Variants in XPO7 observed in about 807,000 individuals in gnomAD.
XPO7 encodes exportin 7, also known as exportin-7.
Under a neutral mutation model 144.3 loss-of-function variants are expected in XPO7, and 21 were observed. That is an observed-to-expected ratio of 0.15 (90% confidence interval 0.10 to 0.21). The LOEUF (loss-of-function observed/expected upper bound fraction) is 0.21, where lower values mean the gene tolerates loss of function less well. Ranked by LOEUF, XPO7 falls within the 10% of genes least tolerant of loss-of-function variation. XPO7 has a pLI of 1.00. For missense variants in XPO7, 808 were observed against 1,325.8 expected (o/e 0.61, Z 6.06); for synonymous variants, 580 against 499.6 (o/e 1.16, Z -2.15).
intron 2 of XPO7, 100 bp downstream of exon 2, chr8:21,967,103 T>G: frequency 6.9e-7 from 1 of 1,439,080 alleles, no homozygotes; most frequent in Non-Finnish European, 9.2e-7. Context: ...TGTTCCCTGA[T>G]TTTTCTAGGT....
chr8:21,921,200 A>C (rs766778538), intron 1 of XPO7, among the ~76,000 whole-genome samples: 1 of 152,234 alleles, frequency 6.6e-6, no homozygotes, highest in Non-Finnish European at 1.5e-5. Flanking sequence ...GTCATTTCTA[A>C]GAAGCATGAA....
chr8:22,000,668 T>G (rs1813110709), intron 24 of XPO7, among the ~76,000 whole-genome samples: 1 of 152,116 alleles, frequency 6.6e-6, no homozygotes, highest in Non-Finnish European at 1.5e-5. Context: ...TTAGCCAGGA[T>G]AGTCTCAATC....
chr8:21,977,933 T>G (rs1340847727), intron 8 of XPO7, 90 bp downstream of exon 8: 1 of 1,166,772 alleles, frequency 8.6e-7, no homozygotes, highest in East Asian at 2.5e-5. Flanking sequence ...TTTTATAAAA[T>G]TATACAAGTA....
chr8:21,935,174 T>G (rs1303275979), intron 1 of XPO7, among the ~76,000 whole-genome samples: 2 of 152,218 alleles, frequency 1.3e-5, no homozygotes, highest in East Asian at 3.8e-4. Context: ...TGGGCCCTAA[T>G]TGATTTTGAC....
chr8:21,983,879 A>C (rs1264511606), intron 11 of XPO7, among the ~76,000 whole-genome samples: 1 of 151,614 alleles, frequency 6.6e-6, no homozygotes, highest in Non-Finnish European at 1.5e-5. Flanking sequence ...TGCTGCCATT[A>C]TCATATTGCA....
intron 1 of XPO7, among the ~76,000 whole-genome samples, chr8:21,926,539 A>G (rs1035780968): frequency 1.3e-5 from 2 of 152,072 alleles, no homozygotes; most frequent in African/African-American, 2.4e-5. Context: ...GTTTGGCAAA[A>G]ATTATTTCAA....
intron 1 of XPO7, among the ~76,000 whole-genome samples, chr8:21,936,075 T>G (rs1810812551): frequency 6.6e-6 from 1 of 152,218 alleles, no homozygotes; most frequent in Admixed American, 6.5e-5. Context: ...TCTTACCACC[T>G]ATCAGACAAT....
intron 5 of XPO7, among the ~76,000 whole-genome samples, chr8:21,972,429 A>G (rs1486097888): frequency 6.6e-6 from 1 of 152,138 alleles, no homozygotes; most frequent in East Asian, 1.9e-4. Context: ...GCGAGCCAAG[A>G]TCGCGCTGTT....
At chr8:21,987,090 A>G in intron 13 of XPO7, 51 bp from the exon 14 acceptor site, 1 of 1,610,876 alleles carries the variant, frequency 6.2e-7, no homozygotes, top group Non-Finnish European at 8.5e-7. Flanking sequence ...GGTTGTCTAG[A>G]GTAAACAGGA....
At chr8:21,953,643 C>A (rs1472982476) in intron 1 of XPO7, among the ~76,000 whole-genome samples, 1 of 152,138 alleles carries the variant, frequency 6.6e-6, no homozygotes, top group African/African-American at 2.4e-5. Context: ...ACCAACAGTT[C>A]CTGTTGTTCC....
intron 24 of XPO7, among the ~76,000 whole-genome samples, chr8:22,001,791 G>C (rs1563340698): frequency 6.6e-6 from 1 of 152,176 alleles, no homozygotes; most frequent in Non-Finnish European, 1.5e-5. Context: ...CACCTATAAA[G>C]TACTTAGCAC....
intron 24 of XPO7, among the ~76,000 whole-genome samples, chr8:21,999,916 G>A (rs1321962159): frequency 6.6e-6 from 1 of 152,164 alleles, no homozygotes; most frequent in Non-Finnish European, 1.5e-5. Flanking sequence ...TATAGTCCCT[G>A]TCCTTAAGGG....
At chr8:21,946,228 A>G (rs1811183686) in intron 1 of XPO7, among the ~76,000 whole-genome samples, 1 of 152,236 alleles carries the variant, frequency 6.6e-6, no homozygotes, top group Admixed American at 6.5e-5. Context: ...TACTGACTTC[A>G]GATACTGGAA....
chr8:21,959,909 C>G (rs992408817), intron 1 of XPO7, among the ~76,000 whole-genome samples: 9 of 152,198 alleles, frequency 5.9e-5, no homozygotes, highest in Admixed American at 4.6e-4. Flanking sequence ...CAACCGAACT[C>G]TTCTCTGCCT....
intron 1 of XPO7, among the ~76,000 whole-genome samples, chr8:21,949,088 C>G (rs918734918): frequency 2.6e-5 from 4 of 152,198 alleles, no homozygotes; most frequent in Non-Finnish European, 5.9e-5. Flanking sequence ...GTTTGTTAAT[C>G]TCTCTGTTCA....
At chr8:21,933,113 T>G (rs886125852) in intron 1 of XPO7, among the ~76,000 whole-genome samples, 82 of 149,512 alleles carry the variant, frequency 5.5e-4, no homozygotes, top group African/African-American at 2.0e-3. Flanking sequence ...TTTTTTTTTT[T>G]TTTTTGAGAT....
At chr8:21,969,972 C>A in intron 3 of XPO7, 172 bp from the exon 4 acceptor site, 2 of 753,708 alleles carry the variant, frequency 2.7e-6, no homozygotes, top group South Asian at 2.1e-5. Flanking sequence ...ACCTACTAAT[C>A]TTAAATTTAA....
At position 21,970,123 on chromosome 8, in the gene XPO7, T is replaced by C. The variant is rs749454669; in HGVS notation, c.260-21T>C. On this transcript the variant is annotated intron_variant, in intron 3 of 27. Coordinates refer to ENST00000252512, the MANE Select transcript of XPO7 (RefSeq NM_015024.5). ...CTTTCTATTATGTGGATTGGTTTTG[T>C]TTCTTGTTTTTTTTTAATAGGGAAC... 2.5e-6 allele frequency: 4 copies of C among 1,602,406 alleles called. No homozygotes were observed. The East Asian group carries it at 8.9e-5, about 36-fold the overall frequency.
intron 1 of XPO7, among the ~76,000 whole-genome samples, chr8:21,946,800 C>A (rs1585430313): frequency 6.6e-6 from 1 of 151,134 alleles, no homozygotes; most frequent in East Asian, 1.9e-4. Context: ...TATAGTAAAG[C>A]CACAAATAAT....
Sources: gnomAD v4.1 joint callset for allele counts (sites outside exome capture counted in the v4.1 genomes callset) on GRCh38, gnomAD v4.1.1 for gene constraint, MANE v1.5 for transcripts, NCBI Gene and HGNC (gene_info 2026-07-23, HGNC 2026-07-21) for gene names.